Variants in DAB1 observed in about 807,000 individuals in gnomAD.
DAB1 encodes disabled homolog 1.
In DAB1, 15 loss-of-function variants were observed where a neutral mutation model predicts 64.6. The ratio of observed to expected loss-of-function variants is 0.23; its 90% CI spans 0.16 to 0.36. The LOEUF (loss-of-function observed/expected upper bound fraction) is 0.36. Among genes scored for constraint, DAB1 ranks in the 10% least tolerant of loss-of-function variants. The pLI is 1.00. For missense variants in DAB1, 596 were observed against 706.7 expected (o/e 0.84, Z 1.78); for synonymous variants, 235 against 251.9 (o/e 0.93, Z 0.64).
intron 5 of DAB1, among the ~76,000 whole-genome samples, chr1:57,936,778 T>C (rs1031771163): frequency 6.6e-6 from 1 of 152,176 alleles, no homozygotes; most frequent in African/African-American, 2.4e-5. Context: ...TCAGATCCAT[T>C]AGCAGTTTCC....
chr1:57,641,428 G>GGCTA (rs1252089009), intron 7 of DAB1, among the ~76,000 whole-genome samples: 49 of 122,384 alleles, frequency 4.0e-4, no homozygotes, highest in Non-Finnish European at 6.5e-4. Context: ...CTGTCGCCCA[G>GGCTA]GCTAGAGTGC....
intron 4 of DAB1, among the ~76,000 whole-genome samples, chr1:57,104,190 T>A (rs2100700456): frequency 6.6e-6 from 1 of 152,254 alleles, no homozygotes; most frequent in South Asian, 2.1e-4. Context: ...TTTAGAAACC[T>A]CTATGGTGGT....
intron 5 of DAB1, among the ~76,000 whole-genome samples, chr1:58,148,783 C>A (rs571289336): frequency 1.2e-4 from 19 of 152,146 alleles, no homozygotes; most frequent in East Asian, 3.9e-4. Flanking sequence ...ACACCCCCCC[C>A]CCAACCTCAT....
intron 4 of DAB1, among the ~76,000 whole-genome samples, chr1:58,292,994 T>A (rs1232783499): frequency 6.6e-6 from 1 of 151,950 alleles, no homozygotes; most frequent in African/African-American, 2.4e-5. Flanking sequence ...GAGACCCAAC[T>A]GAGGTGAAAT....
At chr1:57,623,946 GGCAAAGAATGC>G in intron 7 of DAB1, among the ~76,000 whole-genome samples, 1 of 152,242 alleles carries the variant, frequency 6.6e-6, no homozygotes. Flanking sequence ...AACACAGTCT[GGCAAAGAATGC>G]TTCTCTCCTC....
chr1:57,614,735 C>T (rs1269395790), intron 7 of DAB1, among the ~76,000 whole-genome samples: 4 of 151,954 alleles, frequency 2.6e-5, no homozygotes, highest in African/African-American at 9.7e-5. Flanking sequence ...TTTACTGTTT[C>T]TTAACATCCT....
chr1:58,141,397 G>C (rs962320039), intron 5 of DAB1, among the ~76,000 whole-genome samples: 3 of 152,072 alleles, frequency 2.0e-5, no homozygotes, highest in African/African-American at 7.2e-5. Context: ...AACAGCATGG[G>C]AAAAACCTGC....
chr1:57,839,357 C>G (rs1465996933), intron 1 of DAB1, among the ~76,000 whole-genome samples: 1 of 152,152 alleles, frequency 6.6e-6, no homozygotes, highest in Non-Finnish European at 1.5e-5. Flanking sequence ...TCTGTGCCAA[C>G]ATTCCTGATG....
intron 3 of DAB1, among the ~76,000 whole-genome samples, chr1:58,358,864 TTCTG>T (rs1644135616): frequency 2.0e-5 from 3 of 149,124 alleles, no homozygotes; most frequent in Non-Finnish European, 3.0e-5. Context: ...TCCCAGCTCT[TTCTG>T]TCTCTCTCTC....
chr1:57,042,694 T>A (rs1297950057), intron 9 of DAB1, among the ~76,000 whole-genome samples: 1 of 152,162 alleles, frequency 6.6e-6, no homozygotes, highest in Non-Finnish European at 1.5e-5. Context: ...ACAAAATGAA[T>A]AAATGGATGA....
At chr1:58,090,797 GC>G (rs1557645922) in intron 5 of DAB1, among the ~76,000 whole-genome samples, 1 of 152,150 alleles carries the variant, frequency 6.6e-6, no homozygotes, top group East Asian at 1.9e-4. Context: ...TAACAAGGAG[GC>G]AATTTCTCTG....
chr1:58,336,379 T>G (rs765003194), intron 4 of DAB1, among the ~76,000 whole-genome samples: 3 of 152,238 alleles, frequency 2.0e-5, no homozygotes, highest in Non-Finnish European at 2.9e-5. Context: ...CCTCTTTGAG[T>G]ACCTAGATTG....
At chr1:57,696,732 A>T (rs1395418301) in intron 6 of DAB1, among the ~76,000 whole-genome samples, 1 of 152,082 alleles carries the variant, frequency 6.6e-6, no homozygotes, top group Non-Finnish European at 1.5e-5. Flanking sequence ...CCTTTCTAAA[A>T]CAGGTGATTG....
intron 3 of DAB1, among the ~76,000 whole-genome samples, chr1:58,443,198 G>A (rs1645031595): frequency 6.6e-6 from 1 of 152,114 alleles, no homozygotes; most frequent in African/African-American, 2.4e-5. Flanking sequence ...ACTCACACAT[G>A]CTTTTCCCTC....
intron 4 of DAB1, among the ~76,000 whole-genome samples, chr1:58,182,468 G>A (rs1656846709): frequency 6.6e-6 from 1 of 151,734 alleles, no homozygotes; most frequent in Non-Finnish European, 1.5e-5. Context: ...CTGAGGCCCT[G>A]TTCATCTTTC....
intron 7 of DAB1, among the ~76,000 whole-genome samples, chr1:57,528,684 A>G (rs1270301750): frequency 6.7e-6 from 1 of 149,840 alleles, no homozygotes; most frequent in Non-Finnish European, 1.5e-5. Context: ...ACACGGACAC[A>G]CAACATAAGT....
intron 3 of DAB1, among the ~76,000 whole-genome samples, chr1:58,418,615 C>A (rs978839759): frequency 2.0e-5 from 3 of 152,048 alleles, no homozygotes; most frequent in Admixed American, 2.0e-4. Flanking sequence ...TAACCACCTA[C>A]CAATACAGGA....
intron 5 of DAB1, among the ~76,000 whole-genome samples, chr1:57,946,467 C>T (rs1645185331): frequency 6.6e-6 from 1 of 152,222 alleles, no homozygotes; most frequent in South Asian, 2.1e-4. Flanking sequence ...TCCAAATCCA[C>T]TTTCTCCACC....
chr1:58,431,026 G>C (rs1182190547), intron 3 of DAB1, among the ~76,000 whole-genome samples: 1 of 152,204 alleles, frequency 6.6e-6, no homozygotes, highest in Non-Finnish European at 1.5e-5. Context: ...ATGACACATA[G>C]TAATTTGTCA....
Sources: gnomAD v4.1 joint callset for allele counts (sites outside exome capture counted in the v4.1 genomes callset) on GRCh38, gnomAD v4.1.1 for gene constraint, MANE v1.5 for transcripts, NCBI Gene and HGNC (gene_info 2026-07-23, HGNC 2026-07-21) for gene names.